FAM167A: variants seen among roughly 807,000 people sequenced by gnomAD.
The protein encoded by FAM167A is protein FAM167A.
Under a neutral mutation model 14.9 loss-of-function variants are expected in FAM167A, and 23 were observed. That is an observed-to-expected ratio of 1.55 (90% CI 1.11 to 2.19). FAM167A has a LOEUF of 2.19. Ranked by LOEUF, FAM167A falls within the 30% of genes most tolerant of loss-of-function variation. The pLI is 0.00. For synonymous variants in FAM167A, 174 were observed against 117.7 expected, an observed-to-expected ratio of 1.48 and a Z score of -3.10; for missense variants, 401 against 281.5, an observed-to-expected ratio of 1.42 and a Z score of -3.04.
At chr8:11,443,919 G>C (rs1003009201) in intron 2 of FAM167A, 112 bp downstream of exon 2, 15 of 1,321,538 alleles carry the variant, frequency 1.1e-5, no homozygotes, top group Admixed American at 4.4e-5. Context: ...GTTAGAGAGA[G>C]GGGAAGAAAT....
Position 11,444,722 on chromosome 8 carries a change from A to T in FAM167A, c.-311T>A, listed in dbSNP as rs963608328. 1 of 1,155,982 alleles carries T rather than the reference A, an allele frequency of 8.7e-7. No homozygotes were observed. The highest frequency in any genetic ancestry group is 1.6e-5 in the African/African-American group (1 of 62,258). 71.6% of individuals were successfully genotyped at this position (1,155,982 alleles called of 1,614,324 possible). A position where few individuals can be genotyped will look rare whatever the true frequency, so the allele number is the denominator to read the frequency against. On this transcript the variant is annotated 5_prime_UTR_variant, in exon 2 of 3. Coordinates refer to ENST00000284486, the MANE Select transcript of FAM167A (RefSeq NM_053279.3). ...CTCGGGGCAGCCTGTGCCAAGGTCT[A>T]TCTGTCCTGAACGCACTCGAAGACC...
intron 1 of FAM167A, among the ~76,000 whole-genome samples, chr8:11,457,232 T>G (rs143818730): frequency 2.0e-5 from 3 of 151,922 alleles, no homozygotes; most frequent in African/African-American, 4.8e-5. Flanking sequence ...AAGCATTCCC[T>G]CTGGCACATG....
At chr8:11,445,650 C>A in intron 1 of FAM167A, 1 of 974,566 alleles carries the variant, frequency 1.0e-6, no homozygotes, top group South Asian at 4.7e-5. Flanking sequence ...CCAGCTCCTA[C>A]CCCATAACAT....
chr8:11,451,785 C>T (rs13281992), intron 1 of FAM167A, among the ~76,000 whole-genome samples: 45,774 of 152,062 alleles, frequency 0.3, 7,576 homozygotes, highest in Middle Eastern at 0.43. Flanking sequence ...AGTGCAGGGG[C>T]GGTGGCATCC....
chr8:11,442,374 C>G (rs768455558), intron 2 of FAM167A, among the ~76,000 whole-genome samples: 2 of 152,136 alleles, frequency 1.3e-5, no homozygotes, highest in Middle Eastern at 3.4e-3. Flanking sequence ...TTTGGGAATC[C>G]TAAAAGCTCC....
intron 1 of FAM167A, among the ~76,000 whole-genome samples, chr8:11,465,954 C>A (rs1807748787): frequency 1.3e-5 from 2 of 152,182 alleles, no homozygotes; most frequent in Admixed American, 1.3e-4. Flanking sequence ...GGAATAAAAA[C>A]CAGGCAGTAA....
intron 1 of FAM167A, among the ~76,000 whole-genome samples, chr8:11,473,845 G>T (rs901019128): frequency 1.3e-5 from 2 of 151,914 alleles, no homozygotes; most frequent in Non-Finnish European, 2.9e-5. Context: ...TGGTTTTTTT[G>T]TTTGTTTCTT....
intron 1 of FAM167A, among the ~76,000 whole-genome samples, chr8:11,450,614 T>C (rs1206832183): frequency 1.3e-5 from 2 of 152,202 alleles, no homozygotes; most frequent in African/African-American, 2.4e-5. Context: ...TAGCAGACTC[T>C]CAACTTCAGG....
rs116111450 is a variant in FAM167A, at chr8:11,453,672, C to T, written c.-397-8864G>A. On this transcript the variant is annotated intron_variant, in intron 1 of 2. Coordinates refer to ENST00000284486, the MANE Select transcript of FAM167A (RefSeq NM_053279.3). ...GAGGCTCTGTGACCCTCCCCATGGT[C>T]TACTCAAACAGAACAAAGCAAGAGT... 2.0e-3 allele frequency among the ~76,000 whole-genome samples: 308 copies of T among 152,284 alleles called. 1 individual carries two copies. The highest frequency in any genetic ancestry group is 7.0e-3 in the African/African-American group (293 of 41,564).
Position 11,422,365 on chromosome 8 carries a change from T to G in FAM167A, c.*2008A>C, listed in dbSNP as rs1410668865. On this transcript the variant is annotated 3_prime_UTR_variant, in exon 3 of 3. Coordinates refer to ENST00000284486, the MANE Select transcript of FAM167A (RefSeq NM_053279.3). ...TGGCATGTTCTCTGTCGTGTGTGTGTGTGTGGGGGTGTGTGTGTGTGTGTG... is the reference window on the plus strand; with the variant it reads ...TGGCATGTTCTCTGTCGTGTGTGTGGGTGTGGGGGTGTGTGTGTGTGTGTG... 2 of 110,112 alleles carry G rather than the reference T, an allele frequency of 1.8e-5. No homozygotes were observed. The highest frequency in any genetic ancestry group is 1.8e-5 in the Non-Finnish European group (1 of 54,642). 6.8% of individuals were successfully genotyped at this position (110,112 alleles called of 1,614,324 possible). A position where few individuals can be genotyped will look rare whatever the true frequency, so the allele number is the denominator to read the frequency against.
At chr8:11,451,592 C>G (rs1342591907) in intron 1 of FAM167A, among the ~76,000 whole-genome samples, 1 of 152,218 alleles carries the variant, frequency 6.6e-6, no homozygotes, top group Non-Finnish European at 1.5e-5. Flanking sequence ...GTGCAGCCTT[C>G]TCTGCAACCA....
chr8:11,424,279 G>A lies in FAM167A; in HGVS notation c.*94C>T. 1.3e-6 allele frequency: 2 copies of A among 1,542,810 alleles called. No homozygotes were observed. The highest frequency in any genetic ancestry group is 1.2e-5 in the South Asian group (1 of 82,620). The stretch of plus-strand genomic sequence containing the variant: ...CCAGTCCCAGGGACCCCTGCCTCCG[G>A]GAGACCCACTGGAGTAACTTGGCCT... On this transcript the variant is annotated 3_prime_UTR_variant, in exon 3 of 3. Coordinates refer to ENST00000284486, the MANE Select transcript of FAM167A (RefSeq NM_053279.3).
At chr8:11,443,913 G>A in intron 2 of FAM167A, 118 bp downstream of exon 2, 1 of 1,276,258 alleles carries the variant, frequency 7.8e-7, no homozygotes, top group Non-Finnish European at 1.1e-6. Context: ...TTGGGGGTTA[G>A]AGAGAGGGGA....
intron 2 of FAM167A, among the ~76,000 whole-genome samples, chr8:11,442,905 G>C (rs922835483): frequency 1.3e-5 from 2 of 152,210 alleles, no homozygotes; most frequent in Non-Finnish European, 2.9e-5. Context: ...CTGCGTCCCT[G>C]AGCCCTGCCC....
intron 1 of FAM167A, among the ~76,000 whole-genome samples, chr8:11,461,645 C>T (rs748356769): frequency 2.6e-5 from 4 of 152,238 alleles, no homozygotes; most frequent in African/African-American, 4.8e-5. Context: ...TTCAGCCCAC[C>T]AGAGTGGCTC....
intron 1 of FAM167A, among the ~76,000 whole-genome samples, chr8:11,462,746 G>A (rs550708826): frequency 6.6e-6 from 1 of 152,108 alleles, no homozygotes; most frequent in African/African-American, 2.4e-5. Context: ...AATCAGCAAC[G>A]CCCACCCCTA....
At chr8:11,474,030 T>A (rs940559865) in intron 1 of FAM167A, among the ~76,000 whole-genome samples, 3 of 152,092 alleles carry the variant, frequency 2.0e-5, no homozygotes, top group African/African-American at 7.2e-5. Context: ...TGCGCCACCA[T>A]GCCCGGCTAA....
At chr8:11,474,167 G>C (rs1474773222) in intron 1 of FAM167A, among the ~76,000 whole-genome samples, 2 of 152,210 alleles carry the variant, frequency 1.3e-5, no homozygotes, top group African/African-American at 4.8e-5. Context: ...GAGCCACCGT[G>C]CCCGGCCAAC....
intron 2 of FAM167A, among the ~76,000 whole-genome samples, chr8:11,430,990 G>A (rs1805541428): frequency 6.6e-6 from 1 of 152,186 alleles, no homozygotes; most frequent in Admixed American, 6.5e-5. Flanking sequence ...GAAAGGTGTG[G>A]GAAACAGCAT....
Sources: allele counts gnomAD v4.1 joint callset (sites outside exome capture counted in the v4.1 genomes callset), GRCh38; gene constraint gnomAD v4.1.1; transcripts MANE v1.5; gene names NCBI Gene and HGNC (gene_info 2026-07-23, HGNC 2026-07-21).